Variants in FAM76A observed in about 807,000 individuals in gnomAD.
FAM76A encodes protein FAM76A.
Under a neutral mutation model 46.2 loss-of-function variants are expected in FAM76A, and 32 were observed. That is an observed-to-expected ratio of 0.69 (90% CI 0.52 to 0.93). The LOEUF (loss-of-function observed/expected upper bound fraction) is 0.93, where lower values mean the gene tolerates loss of function less well. Among genes scored for constraint, FAM76A ranks in the 40% least tolerant of loss-of-function variants. The pLI, the probability that FAM76A is intolerant of heterozygous loss-of-function variation, is 0.00. For missense variants in FAM76A, 274 were observed against 361.5 expected, an observed-to-expected ratio of 0.76 and a Z score of 1.96; for synonymous variants, 137 against 127.0, an observed-to-expected ratio of 1.08 and a Z score of -0.53.
chr1:27,733,599 G>A (rs996817174), intron 3 of FAM76A, among the ~76,000 whole-genome samples: 1 of 152,086 alleles, frequency 6.6e-6, no homozygotes, highest in Non-Finnish European at 1.5e-5. Context: ...TATAATCCCA[G>A]CACATTGGGA....
rs528888558 is a variant in FAM76A, at chr1:27,761,219, A to G, written c.*638A>G. 1 of 151,400 alleles carries G rather than the reference A, an allele frequency of 6.6e-6. No individual in the cohort carries two copies. Among genetic ancestry groups the G allele is most frequent in the East Asian group, 2.0e-4 (1 of 5,126 alleles). 9.4% of individuals were successfully genotyped at this position (151,400 alleles called of 1,614,324 possible). ...AAAGAAACTTTTTCTTGATAAAGGAATAATGGTGGTCTAGCTAGTTCTTGT... is the reference window on the plus strand; with the variant it reads ...AAAGAAACTTTTTCTTGATAAAGGAGTAATGGTGGTCTAGCTAGTTCTTGT... On this transcript the variant is annotated 3_prime_UTR_variant, in exon 9 of 9. Coordinates refer to ENST00000373954, the MANE Select transcript of FAM76A (RefSeq NM_152660.3).
intron 6 of FAM76A, among the ~76,000 whole-genome samples, chr1:27,753,000 A>C (rs527631053): frequency 6.6e-6 from 1 of 152,126 alleles, no homozygotes; most frequent in African/African-American, 2.4e-5. Context: ...TCTCTACTAA[A>C]AACACAAAAA....
chr1:27,734,266 G>A, intron 4 of FAM76A, 83 bp downstream of exon 4: 3 of 1,417,904 alleles, frequency 2.1e-6, no homozygotes, highest in Non-Finnish European at 2.8e-6. Context: ...ACATTTAATA[G>A]GCCGGGCGTG....
intron 6 of FAM76A, among the ~76,000 whole-genome samples, chr1:27,752,498 G>A (rs930095313): frequency 1.8e-4 from 27 of 152,150 alleles, no homozygotes; most frequent in African/African-American, 6.5e-4. Context: ...TTTTCCATAG[G>A]CAATCAAAAA....
At chr1:27,748,378 C>G (rs867398639) in intron 5 of FAM76A, among the ~76,000 whole-genome samples, 19 of 151,600 alleles carry the variant, frequency 1.3e-4, no homozygotes, top group Admixed American at 1.3e-4. Context: ...TCCACCTCGG[C>G]CTCCCAAAGT....
At position 27,762,025 on chromosome 1, in the gene FAM76A, C is replaced by G. The variant is rs1010473470; in HGVS notation, c.*1444C>G. The G allele has an allele frequency of 2.0e-5, 3 of 151,720 alleles. No individual in the cohort carries two copies. The highest frequency in any genetic ancestry group is 1.3e-4 in the Admixed American group (2 of 15,216). 9.4% of individuals were successfully genotyped at this position (151,720 alleles called of 1,614,324 possible). A position where few individuals can be genotyped will look rare whatever the true frequency, so the allele number is the denominator to read the frequency against. Reference sequence around the variant, plus strand: ...AGAGCATTTTTGGGGTCAGCATGAGCTGCTCTAGTAAGGACTCTTGAGTCT... The same window carrying G: ...AGAGCATTTTTGGGGTCAGCATGAGGTGCTCTAGTAAGGACTCTTGAGTCT... On this transcript the variant is annotated 3_prime_UTR_variant, in exon 9 of 9. Transcript: ENST00000373954.
At chr1:27,759,897 A>G (rs2088477724) in intron 8 of FAM76A, 1 of 528,660 alleles carries the variant, frequency 1.9e-6, no homozygotes, top group African/African-American at 1.9e-5. Context: ...CCTTCCAAGT[A>G]GCGAAGACCA....
At position 27,759,635 on chromosome 1, in the gene FAM76A, ACT is replaced by A; in HGVS notation, c.837+11_837+12del. ...GTCACAGAACAACTGCAGGTGACTG[ACT>A]CTGCTTATTTTATGTGCTAAAATTG... On this transcript the variant is annotated intron_variant, in intron 8 of 8. Transcript: ENST00000373954. The A allele has an allele frequency of 1.9e-6, 3 of 1,596,476 alleles. No individual in the cohort carries two copies. Among genetic ancestry groups the A allele is most frequent in the Non-Finnish European group, 1.7e-6 (2 of 1,165,482 alleles).
Position 27,734,072 on chromosome 1 carries a change from TGGGAA to T in FAM76A, c.244_248del (p.Gly82Ter). On this transcript the variant is annotated frameshift_variant, in exon 4 of 9. Transcript: ENST00000373954. LOFTEE classifies it high-confidence loss of function. ...ATTGCAACATAATTGCAGCATTTATTGGGAATAAATGCCAGCGCTGCACAAATTCA... is the reference window on the plus strand; with the variant it reads ...ATTGCAACATAATTGCAGCATTTATTTAAATGCCAGCGCTGCACAAATTCA... 1 of 1,612,000 alleles carries T rather than the reference TGGGAA, an allele frequency of 6.2e-7. No individual in the cohort carries two copies. The highest frequency in any genetic ancestry group is 8.5e-7 in the Non-Finnish European group (1 of 1,179,624).
At chr1:27,743,310 C>A (rs2088186021) in intron 4 of FAM76A, among the ~76,000 whole-genome samples, 1 of 152,142 alleles carries the variant, frequency 6.6e-6, no homozygotes, top group Admixed American at 6.5e-5. Context: ...ACCACCACAC[C>A]TGGCTAATTT....
intron 8 of FAM76A, chr1:27,760,094 C>A: frequency 2.4e-6 from 1 of 421,736 alleles, no homozygotes; most frequent in South Asian, 1.7e-5. Flanking sequence ...TGTATTGTTT[C>A]ACTCTTGGAT....
intron 4 of FAM76A, among the ~76,000 whole-genome samples, chr1:27,736,945 TTTG>T (rs1357521359): frequency 6.6e-5 from 10 of 151,302 alleles, no homozygotes; most frequent in East Asian, 5.9e-4. Flanking sequence ...TTTATTTCTT[TTTG>T]TTGTTGTTGT....
At chr1:27,730,743 T>C (rs2087943089) in intron 2 of FAM76A, among the ~76,000 whole-genome samples, 1 of 152,232 alleles carries the variant, frequency 6.6e-6, no homozygotes, top group African/African-American at 2.4e-5. Context: ...GGTTTTTCTT[T>C]TGTCTATTTT....
At chr1:27,754,066 T>G (rs1207417237) in intron 6 of FAM76A, among the ~76,000 whole-genome samples, 7 of 151,908 alleles carry the variant, frequency 4.6e-5, no homozygotes, top group African/African-American at 1.7e-4. Flanking sequence ...CATATAATTT[T>G]GGGGTTTTGC....
chr1:27,728,920 C>A (rs1446278215), intron 2 of FAM76A, among the ~76,000 whole-genome samples: 1 of 151,154 alleles, frequency 6.6e-6, no homozygotes, highest in East Asian at 2.0e-4. Context: ...GCTGAGATTG[C>A]GCCACTGCAC....
intron 6 of FAM76A, among the ~76,000 whole-genome samples, chr1:27,754,162 A>G (rs556100232): frequency 7.1e-5 from 10 of 140,530 alleles, no homozygotes; most frequent in African/African-American, 2.4e-4. Context: ...GCTGGAGTGC[A>G]ATGGCGCAAT....
chr1:27,731,979 G>A (rs2087964597), intron 2 of FAM76A, among the ~76,000 whole-genome samples: 1 of 151,962 alleles, frequency 6.6e-6, no homozygotes, highest in African/African-American at 2.4e-5. Context: ...GCGCCACCAC[G>A]CCTGGCTAAT....
Position 27,757,870 on chromosome 1 carries a change from G to T in FAM76A, c.736-1656G>T, listed in dbSNP as rs551935119. Among the ~76,000 whole-genome samples the T allele has an allele frequency of 8.5e-5, 13 of 152,118 alleles. No homozygotes were observed. The South Asian group carries it at 2.7e-3, about 32-fold the overall frequency. ...TGGGCGCCTGTAGTCCCAGCTACTC[G>T]GGAGGCTGAGGCAGGAGAATGGCGT... On this transcript the variant is annotated intron_variant, in intron 7 of 8. Coordinates refer to ENST00000373954, the MANE Select transcript of FAM76A (RefSeq NM_152660.3).
chr1:27,726,243 CG>C, intron 1 of FAM76A, 82 bp downstream of exon 1: 1 of 1,153,248 alleles, frequency 8.7e-7, no homozygotes, highest in Non-Finnish European at 1.1e-6. Flanking sequence ...GGACGCCCGG[CG>C]GGGTCCCCGG....
Sources: gnomAD v4.1 joint callset for allele counts (sites outside exome capture counted in the v4.1 genomes callset) on GRCh38, gnomAD v4.1.1 for gene constraint, MANE v1.5 for transcripts, NCBI Gene and HGNC (gene_info 2026-07-23, HGNC 2026-07-21) for gene names.